Variants in ST3GAL3 observed in about 807,000 individuals in gnomAD.
The protein encoded by ST3GAL3 is ST3 beta-galactoside alpha-2,3-sialyltransferase 3.
In ST3GAL3, 21 loss-of-function variants were observed where a neutral mutation model predicts 50.1. The observed-to-expected ratio is 0.42, with a 90% CI of 0.30 to 0.60. The LOEUF (loss-of-function observed/expected upper bound fraction) is 0.60, where lower values mean the gene tolerates loss of function less well. Ranked by LOEUF, ST3GAL3 falls within the 20% of genes least tolerant of loss-of-function variation. The pLI is 0.19. For synonymous variants in ST3GAL3, 183 were observed against 190.0 expected, an observed-to-expected ratio of 0.96 and a Z score of 0.30; for missense variants, 353 against 489.4, an observed-to-expected ratio of 0.72 and a Z score of 2.63.
rs201919243 is a variant in ST3GAL3, at chr1:43,920,948, G to A, written c.1038+20G>A. 7 of 1,590,856 alleles carry A rather than the reference G, an allele frequency of 4.4e-6. No individual in the cohort carries two copies. Among genetic ancestry groups the A allele is most frequent in the Non-Finnish European group, 6.0e-6 (7 of 1,168,016 alleles). On this transcript the variant is annotated intron_variant, in intron 11 of 11. Coordinates refer to ENST00000347631, the MANE Select transcript of ST3GAL3 (RefSeq NM_006279.5). ...AAAGAGGTTCGGGGCTGGGTATGGG[G>A]GCAATCCCTGGGTGGGGATGAGGGG... is the stretch of plus-strand genomic sequence containing the variant.
rs2057106401 is a variant in ST3GAL3, at chr1:43,784,979, A to G, written c.119-7123A>G. On this transcript the variant is annotated intron_variant, in intron 2 of 11. Transcript: ENST00000347631. The stretch of plus-strand genomic sequence containing the variant: ...ATTTCACTGTTTTCTTGTCCATATT[A>G]TCACATCCTCCTAAATTAATGATGA... 3.9e-5 allele frequency among the ~76,000 whole-genome samples: 6 copies of G among 152,102 alleles called. No homozygotes were observed. In the South Asian group the frequency reaches 1.2e-3, roughly 32 times the overall value.
intron 2 of ST3GAL3, chr1:43,738,338 T>C (rs1679356762): frequency 6.6e-6 from 1 of 152,238 alleles, no homozygotes; most frequent in African/African-American, 2.4e-5. Context: ...TTTATAGCTT[T>C]TCTATTCTGA....
chr1:43,923,206 C>T (rs2083350451), intron 11 of ST3GAL3, among the ~76,000 whole-genome samples: 1 of 149,532 alleles, frequency 6.7e-6, no homozygotes, highest in South Asian at 2.1e-4. Context: ...GTCAAGGCTG[C>T]AGTGAGCCAT....
At chr1:43,769,447 A>G (rs577538012) in intron 2 of ST3GAL3, among the ~76,000 whole-genome samples, 90 of 152,258 alleles carry the variant, frequency 5.9e-4, no homozygotes, top group African/African-American at 2.1e-3. Flanking sequence ...TAACCGAGGA[A>G]GTAGCAGGAT....
Position 43,736,179 on chromosome 1 carries a change from A to G in ST3GAL3, c.-30-54A>G. 5 of 1,484,160 alleles carry G rather than the reference A, an allele frequency of 3.4e-6. No individual in the cohort carries two copies. The South Asian group carries it at 4.5e-5, about 13-fold the overall frequency. The allele number at this position is 1,484,160 out of a possible 1,614,324, so 91.9% of individuals were successfully genotyped here. A position where few individuals can be genotyped will look rare whatever the true frequency, so the allele number is the denominator to read the frequency against. On this transcript the variant is annotated intron_variant, in intron 1 of 11. Coordinates refer to ENST00000347631, the MANE Select transcript of ST3GAL3 (RefSeq NM_006279.5). ...CTCTATAGATACTTTAAGAGAGAAT[A>G]TATCAATAAGATGAGTGCTTTGTCT...
Position 43,724,269 on chromosome 1 carries a change from G to C in ST3GAL3, c.-30-11964G>C, listed in dbSNP as rs561509408. 6.6e-5 allele frequency among the ~76,000 whole-genome samples: 10 copies of C among 151,886 alleles called. No homozygotes were observed. The South Asian group carries it at 1.5e-3, about 22-fold the overall frequency. Reference sequence around the variant, plus strand: ...TTTGTTTCCCAGTCTGGATTGCAGTGGTGCAATCTCAGCTAACTGCAACGT... The same window carrying C: ...TTTGTTTCCCAGTCTGGATTGCAGTCGTGCAATCTCAGCTAACTGCAACGT... On this transcript the variant is annotated intron_variant, in intron 1 of 11. Coordinates refer to ENST00000347631, the MANE Select transcript of ST3GAL3 (RefSeq NM_006279.5).
intron 5 of ST3GAL3, among the ~76,000 whole-genome samples, chr1:43,885,440 CGG>C (rs1025326551): frequency 5.9e-5 from 9 of 151,978 alleles, no homozygotes; most frequent in Non-Finnish European, 1.0e-4. Flanking sequence ...CCTCGCGTGC[CGG>C]GGTGCTGGCG....
chr1:43,759,211 C>T (rs1689354824), intron 2 of ST3GAL3, among the ~76,000 whole-genome samples: 1 of 150,938 alleles, frequency 6.6e-6, no homozygotes. Context: ...TTTGGGAGGC[C>T]GAGGCAGGTG....
At chr1:43,857,444 G>A (rs545243933) in intron 5 of ST3GAL3, among the ~76,000 whole-genome samples, 1 of 151,416 alleles carries the variant, frequency 6.6e-6, no homozygotes, top group South Asian at 2.1e-4. Context: ...TAAAAATGGA[G>A]CTTATATTTT....
intron 5 of ST3GAL3, chr1:43,851,135 G>T: frequency 1.7e-6 from 2 of 1,174,462 alleles, no homozygotes; most frequent in Non-Finnish European, 2.6e-6. Flanking sequence ...GGAGCAGCTG[G>T]TTCCTGCACT....
chr1:43,849,693 A>G (rs1000425914), intron 5 of ST3GAL3, among the ~76,000 whole-genome samples: 6 of 152,166 alleles, frequency 3.9e-5, no homozygotes, highest in African/African-American at 1.2e-4. Flanking sequence ...ATTTCCCAGG[A>G]TGGAGGGAGG....
chr1:43,742,318 C>A (rs1044806712), intron 2 of ST3GAL3, among the ~76,000 whole-genome samples: 1 of 152,154 alleles, frequency 6.6e-6, no homozygotes, highest in African/African-American at 2.4e-5. Flanking sequence ...CCCGCCCTAA[C>A]AAGGCCTAAA....
chr1:43,876,053 G>A (rs2074058314), intron 5 of ST3GAL3, among the ~76,000 whole-genome samples: 1 of 151,268 alleles, frequency 6.6e-6, no homozygotes, highest in African/African-American at 2.4e-5. Context: ...CTGCAGCCTC[G>A]ACATTCCAGG....
At chr1:43,905,198 TTCC>T (rs1270802835) in intron 9 of ST3GAL3, among the ~76,000 whole-genome samples, 1 of 69,540 alleles carries the variant, frequency 1.4e-5, no homozygotes, top group Non-Finnish European at 2.8e-5. Context: ...CCTGCCACTC[TTCC>T]TCCCCCTCCT....
At position 43,930,069 on chromosome 1, in the gene ST3GAL3, C is replaced by G; in HGVS notation, c.1039-63C>G. The G allele has an allele frequency of 2.8e-6, 4 of 1,439,528 alleles. No homozygotes were observed. The Admixed American group carries it at 5.0e-5, about 18-fold the overall frequency. The allele number at this position is 1,439,528 out of a possible 1,614,324, so 89.2% of individuals were successfully genotyped here. A position where few individuals can be genotyped will look rare whatever the true frequency, so the allele number is the denominator to read the frequency against. On this transcript the variant is annotated intron_variant, in intron 11 of 11. Transcript: ENST00000347631. ...GAGTGGTGACGAAGAAGGCACCGAG[C>G]CCTGGAAGGGGCAGTAAAGGTTTGA...
intron 2 of ST3GAL3, among the ~76,000 whole-genome samples, chr1:43,739,505 G>A (rs1419214252): frequency 6.6e-6 from 1 of 152,192 alleles, no homozygotes; most frequent in Non-Finnish European, 1.5e-5. Context: ...ATGAGCCACT[G>A]CACTTGGCCT....
chr1:43,733,565 C>A (rs779199038), intron 1 of ST3GAL3, among the ~76,000 whole-genome samples: 1 of 152,184 alleles, frequency 6.6e-6, no homozygotes, highest in Admixed American at 6.5e-5. Flanking sequence ...CTTCCATTGA[C>A]CTGTTTTTTC....
chr1:43,754,317 C>T (rs377492154), intron 2 of ST3GAL3, among the ~76,000 whole-genome samples: 14 of 152,208 alleles, frequency 9.2e-5, no homozygotes, highest in East Asian at 3.9e-4. Flanking sequence ...CTCAGCCTCC[C>T]GAGTAGCTGA....
intron 4 of ST3GAL3, among the ~76,000 whole-genome samples, chr1:43,834,798 G>C (rs1001977224): frequency 3.3e-5 from 5 of 152,190 alleles, no homozygotes; most frequent in Non-Finnish European, 7.3e-5. Context: ...ACCACATCCT[G>C]ATGCGATTCT....
Sources: allele counts gnomAD v4.1 joint callset (sites outside exome capture counted in the v4.1 genomes callset), GRCh38; gene constraint gnomAD v4.1.1; transcripts MANE v1.5; gene names NCBI Gene and HGNC (gene_info 2026-07-23, HGNC 2026-07-21).